The following MACROD2 variants were observed in gnomAD, a reference collection of about 807,000 sequenced individuals.
MACROD2 encodes the protein ADP-ribose glycohydrolase MACROD2.
MACROD2 carries 36 observed loss-of-function variants against 70.4 expected under a neutral mutation model. The observed-to-expected ratio is 0.51, with a 90% CI of 0.39 to 0.68. The LOEUF (loss-of-function observed/expected upper bound fraction) is 0.68. Ranked by LOEUF, MACROD2 falls within the 30% of genes least tolerant of loss-of-function variation. The probability of loss-of-function intolerance (pLI) is 0.00; values close to 1 mark genes in which losing one functional copy is unlikely to be tolerated. For synonymous variants in MACROD2, 172 were observed against 178.8 expected, an observed-to-expected ratio of 0.96 and a Z score of 0.30; for missense variants, 496 against 538.4, an observed-to-expected ratio of 0.92 and a Z score of 0.78.
chr20:14,487,256 C>T (rs937085588), intron 3 of MACROD2, among the ~76,000 whole-genome samples: 7 of 152,068 alleles, frequency 4.6e-5, no homozygotes, highest in African/African-American at 1.4e-4. Flanking sequence ...CCATGACATA[C>T]ATTCATGTAA....
intron 10 of MACROD2, among the ~76,000 whole-genome samples, chr20:15,902,633 C>A (rs2065081490): frequency 6.6e-6 from 1 of 152,006 alleles, no homozygotes; most frequent in African/African-American, 2.4e-5. Flanking sequence ...CCTCTCGGAT[C>A]ACTTGCTCTG....
intron 8 of MACROD2, among the ~76,000 whole-genome samples, chr20:15,760,572 C>T (rs992637032): frequency 1.3e-5 from 2 of 152,170 alleles, no homozygotes; most frequent in Non-Finnish European, 2.9e-5. Flanking sequence ...TTGCTTCCCA[C>T]TGCGGAATAG....
intron 3 of MACROD2, among the ~76,000 whole-genome samples, chr20:14,234,660 T>A (rs1343491250): frequency 2.0e-5 from 3 of 152,242 alleles, no homozygotes; most frequent in Admixed American, 1.3e-4. Flanking sequence ...TTGTTCTAGT[T>A]CTTTCTGTCT....
chr20:15,451,584 C>A (rs573886186), intron 7 of MACROD2, among the ~76,000 whole-genome samples: 1 of 151,932 alleles, frequency 6.6e-6, no homozygotes, highest in Non-Finnish European at 1.5e-5. Flanking sequence ...AGAAGACTAG[C>A]GGTAATTGGC....
chr20:14,744,799 G>GTCCCAGCTA (rs1414211653), intron 5 of MACROD2, among the ~76,000 whole-genome samples: 4 of 116,186 alleles, frequency 3.4e-5, no homozygotes, highest in Non-Finnish European at 7.1e-5. Flanking sequence ...TTGTAGAGAG[G>GTCCCAGCTA]TCCCAGCTAA....
chr20:15,843,768 TGAGAG>T (rs1190208026), intron 8 of MACROD2, among the ~76,000 whole-genome samples: 3 of 152,152 alleles, frequency 2.0e-5, no homozygotes, highest in Non-Finnish European at 4.4e-5. Context: ...AAGCTGCAAC[TGAGAG>T]GAAAGTCCAA....
At chr20:15,574,626 C>A (rs1443128292) in intron 8 of MACROD2, among the ~76,000 whole-genome samples, 1 of 152,124 alleles carries the variant, frequency 6.6e-6, no homozygotes, top group Non-Finnish European at 1.5e-5. Flanking sequence ...AGCCTCAGGG[C>A]AATCCAAATC....
At chr20:15,909,201 G>C (rs543644081) in intron 10 of MACROD2, among the ~76,000 whole-genome samples, 1 of 152,170 alleles carries the variant, frequency 6.6e-6, no homozygotes, top group African/African-American at 2.4e-5. Flanking sequence ...GCTTGATGAA[G>C]TCTCTCCATG....
intron 5 of MACROD2, among the ~76,000 whole-genome samples, chr20:15,024,613 T>C (rs1175467587): frequency 6.6e-6 from 1 of 151,970 alleles, no homozygotes; most frequent in Non-Finnish European, 1.5e-5. Flanking sequence ...TATATTAATA[T>C]TATATTTTTA....
chr20:16,019,884 C>A (rs944295463), intron 15 of MACROD2, among the ~76,000 whole-genome samples: 4 of 152,126 alleles, frequency 2.6e-5, no homozygotes, highest in African/African-American at 9.7e-5. Context: ...AGGTGTCAGC[C>A]CCAGCAGTAG....
In MACROD2 at chr20:14,808,760, G is replaced by GA. The variant is rs533747492; in HGVS notation, c.418+123813dup. 1.7e-3 allele frequency among the ~76,000 whole-genome samples: 220 copies of GA among 127,802 alleles called. 1 individual carries two copies. Among genetic ancestry groups the GA allele is most frequent in the Middle Eastern group, 8.3e-3 (2 of 240 alleles). The allele number at this position is 127,802 out of a possible 152,430, so 83.8% of individuals were successfully genotyped here. A position where few individuals can be genotyped will look rare whatever the true frequency, so the allele number is the denominator to read the frequency against. On this transcript the variant is annotated intron_variant, in intron 5 of 17. Transcript: ENST00000684519. ...GCAAGATTTACCAAGAAAATGGAAA[G>GA]AAAAAAAAAAAAGCAGGGGTTGTAA...
chr20:14,053,283 C>G (rs1569136407), intron 2 of MACROD2: 1 of 152,010 alleles, frequency 6.6e-6, no homozygotes, highest in African/African-American at 2.4e-5. Context: ...GTATATGTAA[C>G]TCTAAGAGAC....
intron 3 of MACROD2, among the ~76,000 whole-genome samples, chr20:14,340,556 A>AAG (rs10626034): frequency 0.84 from 127,951 of 151,988 alleles, 53,998 homozygotes; most frequent in South Asian, 0.92. Context: ...GGAAGTGGAA[A>AAG]AGAGGAATAG....
intron 5 of MACROD2, among the ~76,000 whole-genome samples, chr20:14,740,917 G>A (rs945220374): frequency 1.1e-4 from 16 of 152,130 alleles, no homozygotes; most frequent in Admixed American, 2.0e-4. Context: ...GCTGTTGTGA[G>A]TTCTGCTTCA....
Position 15,915,754 on chromosome 20 carries a change from G to C in MACROD2, c.776-17522G>C, listed in dbSNP as rs549970896. ...AAGAGCACAAGGCAGGGAAAATAGG[G>C]GATGGGTGGAAGAGGATAGCTAGGG... On this transcript the variant is annotated intron_variant, in intron 10 of 17. Transcript: ENST00000684519. Among the ~76,000 whole-genome samples the C allele has an allele frequency of 5.9e-5, 9 of 152,216 alleles. No individual in the cohort carries two copies. The South Asian group carries it at 1.9e-3, about 32-fold the overall frequency.
intron 8 of MACROD2, among the ~76,000 whole-genome samples, chr20:15,773,934 C>T (rs1409174813): frequency 6.6e-6 from 1 of 152,088 alleles, no homozygotes; most frequent in African/African-American, 2.4e-5. Context: ...TTTTTAATAT[C>T]TTCCTTGGAG....
At chr20:15,175,040 T>A (rs1460455369) in intron 5 of MACROD2, among the ~76,000 whole-genome samples, 1 of 152,086 alleles carries the variant, frequency 6.6e-6, no homozygotes, top group Admixed American at 6.5e-5. Flanking sequence ...TTGGCTTTTG[T>A]TGCCATTGCT....
intron 2 of MACROD2, among the ~76,000 whole-genome samples, chr20:14,070,573 G>A (rs919172004): frequency 6.6e-6 from 1 of 152,038 alleles, no homozygotes; most frequent in Non-Finnish European, 1.5e-5. Context: ...GGTTTTCTTG[G>A]GATGGTATAC....
intron 13 of MACROD2, among the ~76,000 whole-genome samples, chr20:15,973,893 AG>A (rs1034588362): frequency 6.6e-6 from 1 of 152,190 alleles, no homozygotes; most frequent in African/African-American, 2.4e-5. Flanking sequence ...GAAATATAAT[AG>A]TGATGGGGCT....
Sources: gnomAD v4.1 joint callset for allele counts (sites outside exome capture counted in the v4.1 genomes callset) on GRCh38, gnomAD v4.1.1 for gene constraint, MANE v1.5 for transcripts, NCBI Gene and HGNC (gene_info 2026-07-23, HGNC 2026-07-21) for gene names.